The following RGS6 variants were observed in gnomAD, a reference collection of about 807,000 sequenced individuals.
RGS6 encodes the protein regulator of G protein signaling 6, also known as regulator of G-protein signaling 6.
Under a neutral mutation model 78.5 loss-of-function variants are expected in RGS6, and 30 were observed. That is an observed-to-expected ratio of 0.38 (90% confidence interval 0.29 to 0.52). The LOEUF (loss-of-function observed/expected upper bound fraction) is 0.52, where lower values mean the gene tolerates loss of function less well. RGS6 is among the 20% of genes least tolerant of loss of function. The probability of loss-of-function intolerance (pLI) is 0.85; values close to 1 mark genes in which losing one functional copy is unlikely to be tolerated. For missense variants in RGS6, 495 were observed against 609.7 expected (o/e 0.81, Z 1.98); for synonymous variants, 206 against 206.0 (o/e 1.00, Z 0.00).
intron 2 of RGS6, among the ~76,000 whole-genome samples, chr14:71,993,770 AG>A (rs1287318779): frequency 6.6e-6 from 1 of 152,262 alleles, no homozygotes; most frequent in East Asian, 1.9e-4. Flanking sequence ...AGTGGGCCAC[AG>A]GGAATCTGAC....
the RGS6 span, among the ~76,000 whole-genome samples, chr14:72,605,833 C>A: frequency 4.6e-5 from 7 of 152,252 alleles, no homozygotes; most frequent in African/African-American, 1.4e-4. Flanking sequence ...GACCTCCCAT[C>A]ATCACTCTGC....
chr14:71,989,791 G>A (rs748516961), intron 2 of RGS6, among the ~76,000 whole-genome samples: 5 of 152,166 alleles, frequency 3.3e-5, no homozygotes, highest in Non-Finnish European at 5.9e-5. Flanking sequence ...GACCTCCAGA[G>A]ACGAATTTCA....
intron 2 of RGS6, among the ~76,000 whole-genome samples, chr14:72,125,807 CAA>C (rs2096176401): frequency 6.6e-6 from 1 of 152,082 alleles, no homozygotes; most frequent in Admixed American, 6.6e-5. Context: ...CCTCTGATGT[CAA>C]AAGTCAACCA....
At chr14:72,238,981 G>C (rs577653530) in intron 2 of RGS6, among the ~76,000 whole-genome samples, 3 of 152,116 alleles carry the variant, frequency 2.0e-5, no homozygotes, top group Non-Finnish European at 2.9e-5. Flanking sequence ...TTCAATTCTT[G>C]CCTCCTCAGA....
Position 72,037,447 on chromosome 14 carries a change from A to G in RGS6, c.84+72572A>G, listed in dbSNP as rs143781210. ...ACCAGAAGGAAGAAACTCTGGATAC[A>G]TCTGAAGGAACAAACTCCAGACACA... On this transcript the variant is annotated intron_variant, in intron 2 of 17. Transcript: ENST00000553525. Among the ~76,000 whole-genome samples the G allele has an allele frequency of 2.1e-3, 320 of 152,324 alleles. 1 individual carries two copies. The highest frequency in any genetic ancestry group is 3.5e-3 in the Admixed American group (54 of 15,290).
chr14:71,873,713 G>T, the RGS6 span, among the ~76,000 whole-genome samples: 1 of 152,128 alleles, frequency 6.6e-6, no homozygotes, highest in East Asian at 1.9e-4. Flanking sequence ...TGAAGTCCTT[G>T]CCCATGCCTA....
At chr14:72,621,713 C>T in the RGS6 span, among the ~76,000 whole-genome samples, 220 of 152,242 alleles carry the variant, frequency 1.4e-3, no homozygotes, top group Non-Finnish European at 2.6e-3. Flanking sequence ...TATCCAGGTG[C>T]GTGATGATGG....
the RGS6 span, among the ~76,000 whole-genome samples, chr14:71,893,520 A>C: frequency 2.6e-5 from 4 of 152,324 alleles, no homozygotes; most frequent in African/African-American, 9.6e-5. Flanking sequence ...AATAGTAGAA[A>C]GGAGAGTTTT....
chr14:72,113,703 C>T (rs2095824247), intron 2 of RGS6, among the ~76,000 whole-genome samples: 1 of 152,140 alleles, frequency 6.6e-6, no homozygotes, highest in Admixed American at 6.5e-5. Context: ...TGGCTCTGTT[C>T]CTCAGGCCTG....
intron 1 of RGS6, among the ~76,000 whole-genome samples, chr14:71,958,099 T>C (rs760297721): frequency 5.3e-5 from 8 of 152,006 alleles, no homozygotes; most frequent in African/African-American, 1.9e-4. Flanking sequence ...GAGAACGTTG[T>C]ATTTATTTGT....
intron 2 of RGS6, among the ~76,000 whole-genome samples, chr14:72,059,384 T>C (rs960173855): frequency 2.0e-5 from 3 of 152,206 alleles, no homozygotes; most frequent in African/African-American, 7.2e-5. Context: ...GACTTTGGGA[T>C]GGAGTCTAAT....
chr14:72,105,557 C>T (rs117747764), intron 2 of RGS6, among the ~76,000 whole-genome samples: 20 of 152,222 alleles, frequency 1.3e-4, no homozygotes, highest in Non-Finnish European at 2.9e-4. Flanking sequence ...ATTTCAGACT[C>T]GTTATTTTAT....
Position 72,048,982 on chromosome 14 carries a change from G to T in RGS6, c.84+84107G>T, listed in dbSNP as rs574149494. Among the ~76,000 whole-genome samples, 4 of 152,220 alleles carry T rather than the reference G, an allele frequency of 2.6e-5. No individual in the cohort carries two copies. The East Asian group carries it at 5.8e-4, about 22-fold the overall frequency. On this transcript the variant is annotated intron_variant, in intron 2 of 17. Transcript: ENST00000553525. Reference sequence around the variant, plus strand: ...AAGAGAATAGCATTACTTTTATTATGATGATGATTTGTAAACAATTTCCCA... The same window carrying T: ...AAGAGAATAGCATTACTTTTATTATTATGATGATTTGTAAACAATTTCCCA...
the RGS6 span, among the ~76,000 whole-genome samples, chr14:71,912,541 T>C: frequency 6.6e-6 from 1 of 152,126 alleles, no homozygotes; most frequent in Non-Finnish European, 1.5e-5. Context: ...CTGGGGAGGA[T>C]GGCTGATGGC....
At chr14:72,545,933 G>T (rs1446835082) in intron 17 of RGS6, among the ~76,000 whole-genome samples, 1 of 152,150 alleles carries the variant, frequency 6.6e-6, no homozygotes, top group African/African-American at 2.4e-5. Context: ...GTCAGGTGGG[G>T]TCAGCTGGGC....
intron 2 of RGS6, among the ~76,000 whole-genome samples, chr14:72,348,106 G>A (rs1344486609): frequency 6.6e-6 from 1 of 152,146 alleles, no homozygotes; most frequent in Non-Finnish European, 1.5e-5. Flanking sequence ...CCACTCACTG[G>A]GTTCATGCCT....
At chr14:72,245,997 C>T (rs1390665404) in intron 2 of RGS6, among the ~76,000 whole-genome samples, 1 of 152,206 alleles carries the variant, frequency 6.6e-6, no homozygotes, top group African/African-American at 2.4e-5. Flanking sequence ...ATCAGACAAT[C>T]TTTGCTATAC....
intron 2 of RGS6, among the ~76,000 whole-genome samples, chr14:72,312,737 G>A (rs1469234673): frequency 6.6e-6 from 1 of 152,188 alleles, no homozygotes; most frequent in Non-Finnish European, 1.5e-5. Context: ...TGGGGATCCA[G>A]TGTCAAAGGG....
At chr14:72,506,701 T>C (rs778798523) in intron 13 of RGS6, among the ~76,000 whole-genome samples, 8 of 152,170 alleles carry the variant, frequency 5.3e-5, no homozygotes, top group Non-Finnish European at 7.3e-5. Flanking sequence ...CAAGTATACA[T>C]GGTTACATTG....
Sources: allele counts gnomAD v4.1 joint callset (sites outside exome capture counted in the v4.1 genomes callset), GRCh38; gene constraint gnomAD v4.1.1; transcripts MANE v1.5; gene names NCBI Gene and HGNC (gene_info 2026-07-23, HGNC 2026-07-21).